The following STX3 variants were observed in gnomAD, a reference collection of about 807,000 sequenced individuals.
STX3 encodes the protein syntaxin-3.
In STX3, 19 loss-of-function variants were observed where a neutral mutation model predicts 40.2. The ratio of observed to expected loss-of-function variants is 0.47; its 90% CI spans 0.33 to 0.69. STX3 has a LOEUF of 0.69. STX3 is among the 30% of genes least tolerant of loss of function. The pLI is 0.02. For synonymous variants in STX3, 122 were observed against 132.2 expected, an observed-to-expected ratio of 0.92 and a Z score of 0.53; for missense variants, 364 against 366.7, an observed-to-expected ratio of 0.99 and a Z score of 0.06.
Position 59,804,709 on chromosome 11 carries a change from A to G in STX3, c.*3885A>G, listed in dbSNP as rs1866013279. The G allele has an allele frequency of 6.6e-6, 1 of 152,218 alleles. No homozygotes were observed. Among genetic ancestry groups the G allele is most frequent in the South Asian group, 2.1e-4 (1 of 4,828 alleles). 9.4% of individuals were successfully genotyped at this position (152,218 alleles called of 1,614,324 possible). On this transcript the variant is annotated 3_prime_UTR_variant, in exon 11 of 11. Transcript: ENST00000337979. ...CTGGCTCCAGGACTGTGGTTCAATA[A>G]CGAAATACAGGCCCACAAAATAAAA...
Position 59,793,370 on chromosome 11 carries a change from C to T in STX3, c.541-10C>T. ...GGGGTAGCTAACAGTCTGTGTGTGGCCTGTTGTAGATCATTGACTCACAGA... is the reference window on the plus strand; with the variant it reads ...GGGGTAGCTAACAGTCTGTGTGTGGTCTGTTGTAGATCATTGACTCACAGA... On this transcript the variant is annotated splice_polypyrimidine_tract_variant and intron_variant, in intron 7 of 10. Transcript: ENST00000337979. 6.2e-7 allele frequency: 1 copy of T among 1,612,392 alleles called. No individual in the cohort carries two copies. Among genetic ancestry groups the T allele is most frequent in the Non-Finnish European group, 8.5e-7 (1 of 1,178,794 alleles).
chr11:59,757,627 G>A (rs1361638712), intron 1 of STX3, among the ~76,000 whole-genome samples: 1 of 152,172 alleles, frequency 6.6e-6, no homozygotes, highest in African/African-American at 2.4e-5. Context: ...TGGTATTATG[G>A]GAGGATTGTT....
intron 10 of STX3, among the ~76,000 whole-genome samples, chr11:59,797,627 A>G (rs1041243602): frequency 5.9e-4 from 89 of 152,132 alleles, no homozygotes; most frequent in African/African-American, 2.0e-3. Context: ...TCTGTCCCCA[A>G]TCTCTGTCTT....
intron 1 of STX3, among the ~76,000 whole-genome samples, chr11:59,759,068 G>A (rs192092965): frequency 5.9e-5 from 9 of 152,330 alleles, no homozygotes; most frequent in Non-Finnish European, 2.9e-5. Flanking sequence ...AAGTAGTAAT[G>A]CTTGAGCTCA....
intron 10 of STX3, chr11:59,799,719 T>TA: frequency 1.0e-6 from 1 of 985,440 alleles, no homozygotes. Context: ...CCAGGGGATC[T>TA]AAAAGTCAGC....
At chr11:59,793,632 A>G (rs1865337578) in intron 8 of STX3, 118 bp downstream of exon 8, 1 of 1,381,964 alleles carries the variant, frequency 7.2e-7, no homozygotes, top group Non-Finnish European at 9.7e-7. Context: ...ACCATTGGGA[A>G]TTTGCATAAA....
In STX3 at chr11:59,755,629, G is replaced by A. The variant is rs752460859; in HGVS notation, c.24G>A (p.Leu8=). 2.5e-6 allele frequency: 4 copies of A among 1,594,184 alleles called. No individual in the cohort carries two copies. Among genetic ancestry groups the A allele is most frequent in the Admixed American group, 1.7e-5 (1 of 59,648 alleles). MKDRLEQ[L]KAKQLTQDDD... is the part of the protein sequence containing the mutation. ...GGATGAAGGACCGTCTGGAGCAGCT[G>A]AAGGCCGTGAGTTTCGCCGCAGGCG... The change falls in exon 1 of 11, where the codon CTG becomes CTA. Residue 8 remains leucine (L), a synonymous_variant. Coordinates refer to ENST00000337979, the MANE Select transcript of STX3 (RefSeq NM_004177.5).
At chr11:59,785,848 G>T (rs958433546) in intron 2 of STX3, among the ~76,000 whole-genome samples, 2 of 152,202 alleles carry the variant, frequency 1.3e-5, no homozygotes, top group East Asian at 3.8e-4. Context: ...GAAGCAGATA[G>T]ACCCTACAGG....
intron 10 of STX3, among the ~76,000 whole-genome samples, chr11:59,799,245 AC>A (rs1865728777): frequency 6.6e-6 from 1 of 152,206 alleles, no homozygotes; most frequent in Non-Finnish European, 1.5e-5. Context: ...TTAAAAAAAA[AC>A]CTATAAAATA....
At chr11:59,795,712 G>A (rs1436882838) in intron 9 of STX3, 1 of 1,536,344 alleles carries the variant, frequency 6.5e-7, no homozygotes, top group South Asian at 1.2e-5. Context: ...AAGCCCGGAG[G>A]GTGAGCACCT....
chr11:59,796,271 A>G lies in STX3; in HGVS notation c.786+789A>G, dbSNP rs1048814884. Among the ~76,000 whole-genome samples, 9 of 152,152 alleles carry G rather than the reference A, an allele frequency of 5.9e-5. No individual in the cohort carries two copies. The South Asian group carries it at 6.2e-4, about 11-fold the overall frequency. ...CACTGGGATTCAAGTTCAGATCCCA[A>G]TCATTCTGTTTCTACCACACCACTG... is the stretch of plus-strand genomic sequence containing the variant. On this transcript the variant is annotated intron_variant, in intron 9 of 10. Coordinates refer to ENST00000337979, the MANE Select transcript of STX3 (RefSeq NM_004177.5).
intron 2 of STX3, among the ~76,000 whole-genome samples, chr11:59,773,992 A>C (rs1367111753): frequency 1.4e-4 from 21 of 151,520 alleles, no homozygotes; most frequent in African/African-American, 4.9e-4. Flanking sequence ...AAAAAAAAAA[A>C]AAAAAAAATT....
chr11:59,766,998 G>A (rs61903586), intron 1 of STX3, among the ~76,000 whole-genome samples: 7,877 of 152,316 alleles, frequency 0.052, 277 homozygotes, highest in South Asian at 0.087. Context: ...CTAATGAAGA[G>A]AGGAACCTGT....
chr11:59,755,529 A>AGCTCACCTGGGAAGC lies in STX3; in HGVS notation c.-64_-50dup, dbSNP rs770750376. 40 of 1,495,160 alleles carry AGCTCACCTGGGAAGC rather than the reference A, an allele frequency of 2.7e-5. No individual in the cohort carries two copies. Among genetic ancestry groups the AGCTCACCTGGGAAGC allele is most frequent in the Admixed American group, 1.1e-4 (5 of 45,456 alleles). The allele number at this position is 1,495,160 out of a possible 1,614,324, so 92.6% of individuals were successfully genotyped here. On this transcript the variant is annotated 5_prime_UTR_variant, in exon 1 of 11. Transcript: ENST00000337979. ...GGCGGGCCCGGCCGCCGCTTCCGGC[A>AGCTCACCTGGGAAGC]GCTCACCTGGGAAGCGCTCACCTGG...
rs1864785550 is a variant in STX3 at position 59,786,440 on chromosome 11, CG to C, written c.115-593del. ...TTTTTTTTGCATTTTTTAGTAGAGA[CG>C]GGGTTTCACTGTGTTAGCCAGGATG... On this transcript the variant is annotated intron_variant, in intron 2 of 10. Coordinates refer to ENST00000337979, the MANE Select transcript of STX3 (RefSeq NM_004177.5). Among the ~76,000 whole-genome samples, 4 of 147,274 alleles carry C rather than the reference CG, an allele frequency of 2.7e-5. No homozygotes were observed. The South Asian group carries it at 8.6e-4, about 32-fold the overall frequency.
At chr11:59,792,759 T>G (rs1865272353) in intron 6 of STX3, among the ~76,000 whole-genome samples, 1 of 152,038 alleles carries the variant, frequency 6.6e-6, no homozygotes, top group Admixed American at 6.6e-5. Flanking sequence ...AGAAAGGGTG[T>G]GTCTGGAGTA....
chr11:59,801,027 C>T lies in STX3; in HGVS notation c.*203C>T. ...GGGGAATGTGATCTACCTGATGCGA[C>T]CCTGAGTTCTCCCCAGAGCCTCCTC... On this transcript the variant is annotated 3_prime_UTR_variant, in exon 11 of 11. Coordinates refer to ENST00000337979, the MANE Select transcript of STX3 (RefSeq NM_004177.5). 1 of 1,498,586 alleles carries T rather than the reference C, an allele frequency of 6.7e-7. No individual in the cohort carries two copies. Among genetic ancestry groups the T allele is most frequent in the East Asian group, 2.5e-5 (1 of 40,356 alleles). The allele number at this position is 1,498,586 out of a possible 1,614,324, so 92.8% of individuals were successfully genotyped here.
At chr11:59,776,442 T>C (rs1357081409) in intron 2 of STX3, among the ~76,000 whole-genome samples, 3 of 152,168 alleles carry the variant, frequency 2.0e-5, no homozygotes, top group East Asian at 3.8e-4. Context: ...TTTTATAGAA[T>C]GTGGTGTAGA....
chr11:59,794,039 G>A (rs1241761729), intron 8 of STX3, among the ~76,000 whole-genome samples: 3 of 151,958 alleles, frequency 2.0e-5, no homozygotes, highest in Non-Finnish European at 4.4e-5. Context: ...CTTTTCTCTA[G>A]TTCACAGGGA....
Sources: allele counts gnomAD v4.1 joint callset (sites outside exome capture counted in the v4.1 genomes callset), GRCh38; gene constraint gnomAD v4.1.1; transcripts MANE v1.5; gene names NCBI Gene and HGNC (gene_info 2026-07-23, HGNC 2026-07-21).